Variants in MSRA observed in about 807,000 individuals in gnomAD.
MSRA encodes mitochondrial peptide methionine sulfoxide reductase.
Under a neutral mutation model 31.3 loss-of-function variants are expected in MSRA, and 54 were observed. The observed-to-expected ratio is 1.73, with a 90% CI of 1.39 to 2.17. The LOEUF is 2.17. Ranked by LOEUF, MSRA falls within the 30% of genes most tolerant of loss-of-function variation. MSRA has a pLI of 0.00. For missense variants in MSRA, 507 were observed against 300.9 expected (o/e 1.69, Z -5.07); for synonymous variants, 169 against 116.5 (o/e 1.45, Z -2.90).
At chr8:10,360,071 G>A (rs1804753731) in intron 5 of MSRA, among the ~76,000 whole-genome samples, 1 of 152,184 alleles carries the variant, frequency 6.6e-6, no homozygotes, top group Non-Finnish European at 1.5e-5. Context: ...AGTCCCTGGG[G>A]ACAGTGCAGC....
chr8:10,404,238 C>G (rs1003289706), intron 5 of MSRA, among the ~76,000 whole-genome samples: 3 of 152,144 alleles, frequency 2.0e-5, no homozygotes, highest in Non-Finnish European at 2.9e-5. Flanking sequence ...CCACAAATAG[C>G]AAGGCAGGGA....
intron 5 of MSRA, among the ~76,000 whole-genome samples, chr8:10,347,365 A>G (rs1052919755): frequency 1.2e-4 from 18 of 152,156 alleles, no homozygotes; most frequent in Admixed American, 5.2e-4. Flanking sequence ...TCTCAAAATT[A>G]TCATGTCTAA....
At chr8:10,133,138 A>C (rs1802021080) in intron 1 of MSRA, among the ~76,000 whole-genome samples, 1 of 152,002 alleles carries the variant, frequency 6.6e-6, no homozygotes, top group Admixed American at 6.6e-5. Flanking sequence ...ATTGTTGATG[A>C]GGTATATATT....
intron 3 of MSRA, among the ~76,000 whole-genome samples, chr8:10,289,737 G>T (rs1188009014): frequency 6.6e-6 from 1 of 152,112 alleles, no homozygotes; most frequent in Non-Finnish European, 1.5e-5. Context: ...TTAACTCTGA[G>T]GTGGAACACA....
At chr8:10,348,768 A>G (rs1018949903) in intron 5 of MSRA, among the ~76,000 whole-genome samples, 3 of 152,186 alleles carry the variant, frequency 2.0e-5, no homozygotes, top group African/African-American at 7.2e-5. Flanking sequence ...CATACTGGAA[A>G]GAGGGATAGG....
chr8:10,134,355 A>G (rs1336766618), intron 1 of MSRA, among the ~76,000 whole-genome samples: 5 of 152,342 alleles, frequency 3.3e-5, no homozygotes, highest in African/African-American at 1.2e-4. Flanking sequence ...AACACTTGAC[A>G]TTCTCAGTGC....
At chr8:10,335,134 G>A (rs948305184) in intron 5 of MSRA, among the ~76,000 whole-genome samples, 1 of 152,194 alleles carries the variant, frequency 6.6e-6, no homozygotes. Context: ...TCCAGAAACG[G>A]TCAGGGTCAA....
rs187138077 is a variant in MSRA, at chr8:10,409,644, G to C, written c.544-18504G>C. On this transcript the variant is annotated intron_variant, in intron 5 of 5. Coordinates refer to ENST00000317173, the MANE Select transcript of MSRA (RefSeq NM_012331.5). ...GAGCATGCAGGGGAGCCTGGTACAGGGTGAATGCATACGCAGCATCACCCC... is the reference window on the plus strand; with the variant it reads ...GAGCATGCAGGGGAGCCTGGTACAGCGTGAATGCATACGCAGCATCACCCC... Among the ~76,000 whole-genome samples the C allele has an allele frequency of 2.0e-3, 311 of 151,988 alleles. 3 individuals carry two copies. The highest frequency in any genetic ancestry group is 7.2e-3 in the African/African-American group (298 of 41,442).
chr8:10,425,165 G>A (rs1809065334), intron 5 of MSRA, among the ~76,000 whole-genome samples: 2 of 152,128 alleles, frequency 1.3e-5, no homozygotes, highest in Non-Finnish European at 2.9e-5. Context: ...GGAGAGTGCT[G>A]GGAAGGACAA....
chr8:10,232,298 C>T lies in MSRA; in HGVS notation c.212-12806C>T, dbSNP rs78024743. 2.5e-3 allele frequency among the ~76,000 whole-genome samples: 376 copies of T among 152,280 alleles called. 3 individuals carry two copies. The highest frequency in any genetic ancestry group is 8.4e-3 in the African/African-American group (348 of 41,570). On this transcript the variant is annotated intron_variant, in intron 2 of 5. Transcript: ENST00000317173. ...CTGACAAGACAGACTGCTCTTCCTA[C>T]CCCATCTGTTGTTGGAGGGTTTGTT...
intron 3 of MSRA, among the ~76,000 whole-genome samples, chr8:10,281,971 TG>T (rs1283808624): frequency 2.0e-5 from 3 of 152,142 alleles, no homozygotes; most frequent in African/African-American, 7.2e-5. Context: ...TGCTCTGAAG[TG>T]TTCTTTCGAA....
rs1337859597 is a variant in MSRA, at chr8:10,054,633, C to A, written c.117C>A (p.Gly39=). The A allele has an allele frequency of 6.3e-7, 1 of 1,575,764 alleles. No individual in the cohort carries two copies. The highest frequency in any genetic ancestry group is 8.6e-7 in the Non-Finnish European group (1 of 1,161,660). ...TCAGCCCCCAGGAGGCCTTGCCGGG[C>A]CGGAAGGAACAGACCCCTGTAGCGG... ...NIVSPQEALP[G]RKEQTPVAAK... The change falls in exon 1 of 6, where the codon GGC becomes GGA. Residue 39 remains glycine, a synonymous_variant. Coordinates refer to ENST00000317173, the MANE Select transcript of MSRA (RefSeq NM_012331.5).
At chr8:10,373,992 C>T (rs1805619844) in intron 5 of MSRA, among the ~76,000 whole-genome samples, 2 of 152,218 alleles carry the variant, frequency 1.3e-5, no homozygotes, top group South Asian at 2.1e-4. Context: ...GTCTCACTGC[C>T]ATGCTCGCCC....
In MSRA at chr8:10,245,111, A is replaced by G; in HGVS notation, c.219A>G (p.Gly73=). 3 of 1,609,814 alleles carry G rather than the reference A, an allele frequency of 1.9e-6. No individual in the cohort carries two copies. Among genetic ancestry groups the G allele is most frequent in the Non-Finnish European group, 2.5e-6 (3 of 1,178,892 alleles). The change falls in exon 3 of 6, where the codon GGA becomes GGG. Residue 73 remains glycine (G), a synonymous_variant. Transcript: ENST00000317173. The part of the protein sequence containing the change: ...EGTQMAVFGM[G]CFWGAERKFW... Reference sequence around the variant, plus strand: ...TCTTTTTTCTTTTTTAAGGAATGGGATGTTTCTGGGGAGCTGAAAGGAAAT... The same window carrying G: ...TCTTTTTTCTTTTTTAAGGAATGGGGTGTTTCTGGGGAGCTGAAAGGAAAT...
intron 1 of MSRA, among the ~76,000 whole-genome samples, 165 bp from the exon 2 acceptor site, chr8:10,207,668 G>T (rs1809115965): frequency 1.3e-5 from 2 of 152,296 alleles, no homozygotes; most frequent in South Asian, 2.1e-4. Flanking sequence ...AGGCCCTTCT[G>T]CAATGGAGAT....
intron 1 of MSRA, among the ~76,000 whole-genome samples, chr8:10,064,108 G>A (rs893379917): frequency 1.3e-5 from 2 of 152,082 alleles, no homozygotes; most frequent in Non-Finnish European, 2.9e-5. Flanking sequence ...CATTTCCCCC[G>A]CTGTGTTTTC....
chr8:10,078,494 T>A (rs952197278), intron 1 of MSRA, among the ~76,000 whole-genome samples: 8 of 152,252 alleles, frequency 5.3e-5, no homozygotes, highest in African/African-American at 9.6e-5. Flanking sequence ...CAGGCACCAG[T>A]GACCCCTGGG....
chr8:10,073,072 C>G (rs1446412420), intron 1 of MSRA, among the ~76,000 whole-genome samples: 1 of 151,854 alleles, frequency 6.6e-6, no homozygotes, highest in African/African-American at 2.4e-5. Context: ...TTTTGTTTTT[C>G]TTGCCTTATT....
chr8:10,184,051 T>G (rs1015603667), intron 1 of MSRA, among the ~76,000 whole-genome samples: 23 of 150,958 alleles, frequency 1.5e-4, no homozygotes, highest in African/African-American at 4.9e-4. Context: ...TTCGTGATGT[T>G]GTTGGTGTTG....
Sources: allele counts gnomAD v4.1 joint callset (sites outside exome capture counted in the v4.1 genomes callset), GRCh38; gene constraint gnomAD v4.1.1; transcripts MANE v1.5; gene names NCBI Gene and HGNC (gene_info 2026-07-23, HGNC 2026-07-21).